AKR1C1: variants seen among roughly 807,000 people sequenced by gnomAD.
AKR1C1 encodes aldo-keto reductase family 1 member C1.
In AKR1C1, 32 loss-of-function variants were observed where a neutral mutation model predicts 40.6. That is an observed-to-expected ratio of 0.79 (90% CI 0.60 to 1.06). AKR1C1 has a LOEUF of 1.06. AKR1C1 is among the 50% of genes least tolerant of loss of function. AKR1C1 has a pLI of 0.00. For missense variants in AKR1C1, 320 were observed against 363.5 expected (o/e 0.88, Z 0.97); for synonymous variants, 105 against 134.2 (o/e 0.78, Z 1.50).
chr10:4,979,146 A>G lies in AKR1C1; in HGVS notation c.*1404A>G, dbSNP rs1388378264. On this transcript the variant is annotated 3_prime_UTR_variant, in exon 9 of 9. Transcript: ENST00000380872. ...CATCCCAGCAAGTTTTGCAGCTCAC[A>G]GTTTTTTCCGTAAATTACTTATTCT... The G allele has an allele frequency of 2.6e-5, 4 of 152,132 alleles. No homozygotes were observed. Among genetic ancestry groups the G allele is most frequent in the African/African-American group, 4.8e-5 (2 of 41,424 alleles). 9.4% of individuals were successfully genotyped at this position (152,132 alleles called of 1,614,324 possible). A position where few individuals can be genotyped will look rare whatever the true frequency, so the allele number is the denominator to read the frequency against.
chr10:4,974,158 C>G (rs1836487107), intron 7 of AKR1C1, among the ~76,000 whole-genome samples: 1 of 150,222 alleles, frequency 6.7e-6, no homozygotes, highest in Admixed American at 6.7e-5. Flanking sequence ...AGAAAACCCA[C>G]AAAACTAAAA....
Position 4,970,734 on chromosome 10 carries a change from C to T in AKR1C1, c.571-1467C>T, listed in dbSNP as rs566131088. ...AACAAAAAACCAAACACCGCATATT[C>T]TCACTCATAGGTGGGAATTGAACAA... On this transcript the variant is annotated intron_variant, in intron 5 of 8. Coordinates refer to ENST00000380872, the MANE Select transcript of AKR1C1 (RefSeq NM_001353.6). 2.1e-5 allele frequency among the ~76,000 whole-genome samples: 3 copies of T among 145,974 alleles called. No homozygotes were observed. In the East Asian group the frequency reaches 6.1e-4, roughly 30 times the overall value.
chr10:4,963,746 A>G (rs1836284250), intron 1 of AKR1C1: 4 of 759,280 alleles, frequency 5.3e-6, no homozygotes, highest in South Asian at 2.8e-5. Flanking sequence ...GTCAGAGTCT[A>G]TACAACTCAG....
rs1248436699 is a variant in AKR1C1 at position 4,982,907 on chromosome 10, G to C, written c.*5165G>C. The C allele has an allele frequency of 2.2e-6, 1 of 445,378 alleles. No homozygotes were observed. The highest frequency in any genetic ancestry group is 4.5e-6 in the Non-Finnish European group (1 of 222,006). The allele number at this position is 445,378 out of a possible 1,614,324, so 27.6% of individuals were successfully genotyped here. On this transcript the variant is annotated 3_prime_UTR_variant, in exon 9 of 9. Coordinates refer to ENST00000380872, the MANE Select transcript of AKR1C1 (RefSeq NM_001353.6). The stretch of plus-strand genomic sequence containing the variant: ...CCTGACCAGTCAGAGGTCTTGAGTC[G>C]GTCCGCATGACAAGTTCACCGCTCG...
In AKR1C1 at chr10:4,981,054, G is replaced by C. The variant is rs190877253; in HGVS notation, c.*3312G>C. On this transcript the variant is annotated 3_prime_UTR_variant, in exon 9 of 9. Transcript: ENST00000380872. Reference sequence around the variant, plus strand: ...AGAACAGTAATCTCTTTCAACCTCTGTAAGAGAGTTCTTGGTTGATTAGGT... The same window carrying C: ...AGAACAGTAATCTCTTTCAACCTCTCTAAGAGAGTTCTTGGTTGATTAGGT... The C allele has an allele frequency of 6.6e-6, 1 of 152,248 alleles. No individual in the cohort carries two copies. The highest frequency in any genetic ancestry group is 2.4e-5 in the African/African-American group (1 of 41,566). The allele number at this position is 152,248 out of a possible 1,614,324, so 9.4% of individuals were successfully genotyped here.
intron 7 of AKR1C1, among the ~76,000 whole-genome samples, chr10:4,974,075 A>T (rs1836485192): frequency 6.6e-6 from 1 of 151,606 alleles, no homozygotes; most frequent in Non-Finnish European, 1.5e-5. Flanking sequence ...GAAAGTAAAA[A>T]ATGACAATGA....
rs1425086488 is a variant in AKR1C1, at chr10:4,981,607, A to G, written c.*3865A>G. ...TGAAAAAATTTCACATACACTCTGA[A>G]GAAGTCTCAGGCACAATCCTACTCC... is the stretch of plus-strand genomic sequence containing the variant. On this transcript the variant is annotated 3_prime_UTR_variant, in exon 9 of 9. Transcript: ENST00000380872. 6.6e-6 allele frequency: 1 copy of G among 152,246 alleles called. No homozygotes were observed. Among genetic ancestry groups the G allele is most frequent in the African/African-American group, 2.4e-5 (1 of 41,464 alleles). 9.4% of individuals were successfully genotyped at this position (152,246 alleles called of 1,614,324 possible). A position where few individuals can be genotyped will look rare whatever the true frequency, so the allele number is the denominator to read the frequency against.
intron 3 of AKR1C1, chr10:4,967,891 T>C: frequency 5.3e-6 from 1 of 189,070 alleles, no homozygotes; most frequent in Non-Finnish European, 1.1e-5. Context: ...TGGTTCATGG[T>C]CCTGTGCATG....
rs1836566001 is a variant in AKR1C1, at chr10:4,978,628, A to T, written c.*886A>T. Reference sequence around the variant, plus strand: ...AAATATTCTTAGATTCTAAAAATGTACTATTAATTTGTGATATTCAGTCTT... The same window carrying T: ...AAATATTCTTAGATTCTAAAAATGTTCTATTAATTTGTGATATTCAGTCTT... On this transcript the variant is annotated 3_prime_UTR_variant, in exon 9 of 9. Transcript: ENST00000380872. The T allele has an allele frequency of 6.6e-6, 1 of 152,194 alleles. No individual in the cohort carries two copies. Among genetic ancestry groups the T allele is most frequent in the Non-Finnish European group, 1.5e-5 (1 of 68,036 alleles). The allele number at this position is 152,194 out of a possible 1,614,324, so 9.4% of individuals were successfully genotyped here.
At chr10:4,966,233 G>A in intron 2 of AKR1C1, 152 bp downstream of exon 2, 1 of 1,358,044 alleles carries the variant, frequency 7.4e-7, no homozygotes, top group Non-Finnish European at 9.8e-7. Context: ...TAATATCAAA[G>A]GCAGGAAGTG....
chr10:4,977,224 T>C (rs1413264274), intron 8 of AKR1C1, among the ~76,000 whole-genome samples: 3 of 152,242 alleles, frequency 2.0e-5, no homozygotes, highest in Admixed American at 6.5e-5. Flanking sequence ...TTTCTGAATC[T>C]AACCAACTAT....
chr10:4,977,474 A>T (rs1174091768), intron 8 of AKR1C1, among the ~76,000 whole-genome samples: 4 of 152,216 alleles, frequency 2.6e-5, no homozygotes, highest in African/African-American at 9.7e-5. Context: ...TGTGTGTTTT[A>T]TGTGTTAAGT....
chr10:4,977,927 T>A lies in AKR1C1; in HGVS notation c.*185T>A. ...AGACAATAATTTTGTTTTTTCATTT[T>A]GAAAAAATTAAATGCTCTCTCCTAA... On this transcript the variant is annotated 3_prime_UTR_variant, in exon 9 of 9. Transcript: ENST00000380872. 1 of 867,312 alleles carries A rather than the reference T, an allele frequency of 1.2e-6. No individual in the cohort carries two copies. The highest frequency in any genetic ancestry group is 1.7e-6 in the Non-Finnish European group (1 of 573,484). 53.7% of individuals were successfully genotyped at this position (867,312 alleles called of 1,614,324 possible). A position where few individuals can be genotyped will look rare whatever the true frequency, so the allele number is the denominator to read the frequency against.
intron 1 of AKR1C1, chr10:4,965,475 A>C (rs1469196143): frequency 6.5e-6 from 1 of 152,734 alleles, no homozygotes; most frequent in African/African-American, 2.4e-5. Context: ...GTTGTTAACC[A>C]GGATGGCCTT....
At chr10:4,965,693 G>C (rs1291240632) in intron 1 of AKR1C1, 2 of 487,546 alleles carry the variant, frequency 4.1e-6, no homozygotes, top group Non-Finnish European at 7.1e-6. Flanking sequence ...CAAACTAGTG[G>C]TCAAGCAGTG....
intron 5 of AKR1C1, among the ~76,000 whole-genome samples, chr10:4,970,409 G>A (rs1836404628): frequency 2.0e-5 from 3 of 152,234 alleles, no homozygotes; most frequent in South Asian, 2.1e-4. Context: ...CTGTAAATTA[G>A]AAGTTAGATG....
At chr10:4,976,420 T>G (rs1210366959) in intron 8 of AKR1C1, among the ~76,000 whole-genome samples, 1 of 152,180 alleles carries the variant, frequency 6.6e-6, no homozygotes, top group South Asian at 2.1e-4. Flanking sequence ...ATCCTGTCGA[T>G]TTAGCATTTT....
chr10:4,977,037 T>A (rs1836536928), intron 8 of AKR1C1, among the ~76,000 whole-genome samples: 1 of 152,236 alleles, frequency 6.6e-6, no homozygotes, highest in South Asian at 2.1e-4. Flanking sequence ...TTCCAAGTGT[T>A]TGCTCTTGGT....
rs1342959002 is a variant in AKR1C1, at chr10:4,979,403, A to T, written c.*1661A>T. 6.6e-6 allele frequency: 1 copy of T among 152,026 alleles called. No individual in the cohort carries two copies. Among genetic ancestry groups the T allele is most frequent in the Admixed American group, 6.6e-5 (1 of 15,264 alleles). 9.4% of individuals were successfully genotyped at this position (152,026 alleles called of 1,614,324 possible). On this transcript the variant is annotated 3_prime_UTR_variant, in exon 9 of 9. Coordinates refer to ENST00000380872, the MANE Select transcript of AKR1C1 (RefSeq NM_001353.6). ...ATCTCCATGTTAAAGTCTAATGGAC[A>T]TTCACACTTAGCATGTCTCAAAGAA...
Sources: gnomAD v4.1 joint callset for allele counts (sites outside exome capture counted in the v4.1 genomes callset) on GRCh38, gnomAD v4.1.1 for gene constraint, MANE v1.5 for transcripts, NCBI Gene and HGNC (gene_info 2026-07-23, HGNC 2026-07-21) for gene names.